The following NEK9 variants were observed in gnomAD, a reference collection of about 807,000 sequenced individuals.
NEK9 encodes NIMA related kinase 9.
NEK9 carries 75 observed loss-of-function variants against 123.4 expected under a neutral mutation model. That is an observed-to-expected ratio of 0.61 (90% CI 0.50 to 0.74). NEK9 has a LOEUF of 0.74. NEK9 is among the 30% of genes least tolerant of loss of function. The probability of loss-of-function intolerance (pLI) is 0.00; values close to 1 mark genes in which losing one functional copy is unlikely to be tolerated. For missense variants in NEK9, 952 were observed against 1,214.4 expected, an observed-to-expected ratio of 0.78 and a Z score of 3.21; for synonymous variants, 438 against 458.7, an observed-to-expected ratio of 0.95 and a Z score of 0.58.
chr14:75,097,825 C>T (rs1894438394), intron 16 of NEK9, among the ~76,000 whole-genome samples: 1 of 152,086 alleles, frequency 6.6e-6, no homozygotes, highest in Non-Finnish European at 1.5e-5. Flanking sequence ...GAAGAGTTTC[C>T]AGGCAGAGAG....
chr14:75,124,868 T>G (rs144068386), intron 1 of NEK9, among the ~76,000 whole-genome samples: 338 of 151,452 alleles, frequency 2.2e-3, no homozygotes, highest in African/African-American at 8.0e-3. Context: ...ACTCCTGGGC[T>G]GAAGCAATCC....
At chr14:75,125,180 ACT>A (rs2139816533) in intron 1 of NEK9, among the ~76,000 whole-genome samples, 1 of 151,962 alleles carries the variant, frequency 6.6e-6, no homozygotes, top group South Asian at 2.1e-4. Flanking sequence ...TTTTGAAAAG[ACT>A]CTGATGAAGC....
At position 75,084,478 on chromosome 14, in the gene NEK9, C is replaced by A; in HGVS notation, c.*86G>T. On this transcript the variant is annotated 3_prime_UTR_variant, in exon 22 of 22. Coordinates refer to ENST00000238616, the MANE Select transcript of NEK9 (RefSeq NM_033116.6). Reference sequence around the variant, plus strand: ...GCTCCTTTTCTGCAAGTGAACAAAGCCAGGAAAGCTGCTCTCTGCATTCGG... The same window carrying A: ...GCTCCTTTTCTGCAAGTGAACAAAGACAGGAAAGCTGCTCTCTGCATTCGG... 1.3e-6 allele frequency: 2 copies of A among 1,533,148 alleles called. No individual in the cohort carries two copies. Among genetic ancestry groups the A allele is most frequent in the East Asian group, 2.3e-5 (1 of 44,176 alleles). 95.0% of individuals were successfully genotyped at this position (1,533,148 alleles called of 1,614,324 possible).
chr14:75,110,184 T>C, intron 9 of NEK9, 137 bp downstream of exon 9: 1 of 675,422 alleles, frequency 1.5e-6, no homozygotes, highest in Non-Finnish European at 2.6e-6. Context: ...TAGAAATGAC[T>C]GTCTGACATT....
intron 9 of NEK9, 97 bp from the exon 10 acceptor site, chr14:75,109,974 T>C (rs1894907643): frequency 5.0e-6 from 6 of 1,198,266 alleles, no homozygotes; most frequent in Middle Eastern, 2.0e-4. Context: ...CTGCCAATTA[T>C]GGTATGAGAA....
At chr14:75,088,731 C>G in intron 19 of NEK9, 90 bp from the exon 20 acceptor site, 1 of 1,271,554 alleles carries the variant, frequency 7.9e-7, no homozygotes, top group South Asian at 1.4e-5. Flanking sequence ...TTCCCTCTCT[C>G]ATGACTTCAG....
At position 75,126,911 on chromosome 14, in the gene NEK9, A is replaced by G; in HGVS notation, c.11T>C (p.Leu4Pro). 1.4e-6 allele frequency: 2 copies of G among 1,481,290 alleles called. No individual in the cohort carries two copies. The highest frequency in any genetic ancestry group is 1.8e-6 in the Non-Finnish European group (2 of 1,111,226). The allele number at this position is 1,481,290 out of a possible 1,614,324, so 91.8% of individuals were successfully genotyped here. The stretch of plus-strand genomic sequence containing the variant: ...ATCGCAGTGTCGCTCGTACTCGCCC[A>G]GCACCGACATGGCGGCGGCCGCGGG... MSVLGEYERHCDSI... is the reference protein window; with the variant it reads MSVPGEYERHCDSI... The change falls in exon 1 of 22, where the codon CTG (leucine) becomes CCG (proline). Residue 4 changes from leucine (L) to proline (P), a missense_variant. This residue lies in a region of NEK9 where 120 missense variants were observed against 97.6 expected (regional missense o/e 1.23). Transcript: ENST00000238616.
intron 20 of NEK9, 34 bp downstream of exon 20, chr14:75,088,446 C>T: frequency 6.2e-7 from 1 of 1,606,990 alleles, no homozygotes; most frequent in Admixed American, 1.7e-5. Flanking sequence ...GACTGTTTAC[C>T]TAGTTGTGAT....
At chr14:75,126,163 C>T (rs1895517256) in intron 1 of NEK9, among the ~76,000 whole-genome samples, 1 of 152,156 alleles carries the variant, frequency 6.6e-6, no homozygotes, top group Non-Finnish European at 1.5e-5. Flanking sequence ...ACACAAAGAT[C>T]TTCCCAATGA....
In NEK9 at chr14:75,081,441, T is replaced by C. The variant is rs1003081685; in HGVS notation, c.*3123A>G. ...GCGTGTTTATTTCCACAGTTAATCA[T>C]TGAAACAATAAATGATTTTTGGCTT... On this transcript the variant is annotated 3_prime_UTR_variant, in exon 22 of 22. Coordinates refer to ENST00000238616, the MANE Select transcript of NEK9 (RefSeq NM_033116.6). The surrounding 1 kb of genome is among the most constrained non-coding windows in gnomAD (Gnocchi z 4.2). The C allele has an allele frequency of 2.6e-5, 4 of 152,242 alleles. No individual in the cohort carries two copies. The highest frequency in any genetic ancestry group is 4.8e-5 in the African/African-American group (2 of 41,462). The allele number at this position is 152,242 out of a possible 1,614,324, so 9.4% of individuals were successfully genotyped here.
intron 10 of NEK9, among the ~76,000 whole-genome samples, chr14:75,109,442 T>A (rs1466814721): frequency 1.3e-5 from 2 of 152,098 alleles, no homozygotes; most frequent in East Asian, 3.8e-4. Context: ...TCTTTCAATT[T>A]TTCTCTCCCT....
At position 75,117,278 on chromosome 14, in the gene NEK9, T is replaced by A; in HGVS notation, c.679A>T (p.Lys227Ter). The change falls in exon 6 of 22, where the codon AAG becomes TAG. Residue 227 changes from lysine to a stop codon, truncating the protein, a stop_gained. Transcript: ENST00000238616. LOFTEE classifies it high-confidence loss of function. ...CAGATATCAGACTTGAAATTGTACTTTACTCCTTGACAGAGCTCTGGAGAC... is the reference window on the plus strand; with the variant it reads ...CAGATATCAGACTTGAAATTGTACTATACTCCTTGACAGAGCTCTGGAGAC... ...YMSPELCQGVKYNFKSDIWAV... is the reference protein window; with the variant it reads ...YMSPELCQGV 6.2e-7 allele frequency: 1 copy of A among 1,614,066 alleles called. No homozygotes were observed.
rs539459144 is a variant in NEK9, at chr14:75,110,406, TA to T, written c.939-36del. ...GAAAAGCAAAGATACATGAGTGAAA[TA>T]ATAGGTTTTTATATTGCAAAGGTGT... On this transcript the variant is annotated intron_variant, in intron 8 of 21. Coordinates refer to ENST00000238616, the MANE Select transcript of NEK9 (RefSeq NM_033116.6). 250 of 1,546,880 alleles carry T rather than the reference TA, an allele frequency of 1.6e-4. 4 individuals carry two copies. The South Asian group carries it at 2.7e-3, about 17-fold the overall frequency.
At chr14:75,113,121 T>C (rs1895011220) in intron 8 of NEK9, among the ~76,000 whole-genome samples, 1 of 152,178 alleles carries the variant, frequency 6.6e-6, no homozygotes, top group Admixed American at 6.5e-5. Context: ...AGTGAAGGGC[T>C]CTTGGGCCTC....
chr14:75,123,125 G>C (rs1252739998), intron 2 of NEK9, among the ~76,000 whole-genome samples: 1 of 152,088 alleles, frequency 6.6e-6, no homozygotes, highest in African/African-American at 2.4e-5. Flanking sequence ...AAACTGCTGG[G>C]CATGGTGGCT....
intron 17 of NEK9, among the ~76,000 whole-genome samples, chr14:75,096,510 G>A (rs928650615): frequency 2.0e-5 from 3 of 152,012 alleles, no homozygotes; most frequent in Non-Finnish European, 4.4e-5. Context: ...TTAATTGGTG[G>A]ATGATTAGAA....
At chr14:75,086,938 C>T in intron 21 of NEK9, 80 bp downstream of exon 21, 1 of 1,403,462 alleles carries the variant, frequency 7.1e-7, no homozygotes, top group Non-Finnish European at 1.0e-6. Context: ...AGGAACAAGT[C>T]TATTTCAGTA....
rs139520967 is a variant in NEK9, at chr14:75,096,997, T to A, written c.2173+103A>T. 245 of 1,134,320 alleles carry A rather than the reference T, an allele frequency of 2.2e-4. 1 individual carries two copies. The African/African-American group carries it at 3.3e-3, about 16-fold the overall frequency. The allele number at this position is 1,134,320 out of a possible 1,614,324, so 70.3% of individuals were successfully genotyped here. ...CCATTACAAGACTTACAGAAATGGC[T>A]TCTTCAGGACATTTCTGTTTCCAAC... On this transcript the variant is annotated intron_variant, in intron 17 of 21. Transcript: ENST00000238616.
At chr14:75,100,553 G>GC (rs1358613474) in intron 16 of NEK9, among the ~76,000 whole-genome samples, 3 of 152,208 alleles carry the variant, frequency 2.0e-5, no homozygotes, top group Non-Finnish European at 4.4e-5. Context: ...GCGGAAAGCA[G>GC]CCCTTCAAAC....
Sources: gnomAD v4.1 joint callset for allele counts (sites outside exome capture counted in the v4.1 genomes callset) on GRCh38, gnomAD v4.1.1 for gene constraint, gnomAD v4.1.1 regional missense constraint, Gnocchi (gnomAD v3.1) non-coding constraint, MANE v1.5 for transcripts, NCBI Gene and HGNC (gene_info 2026-07-23, HGNC 2026-07-21) for gene names.